Variants in MAGOHB observed in about 807,000 individuals in gnomAD.
MAGOHB encodes protein mago nashi homolog 2.
A neutral mutation model predicts 20.9 loss-of-function variants in MAGOHB; 15 were observed. The ratio of observed to expected loss-of-function variants is 0.72; its 90% CI spans 0.48 to 1.11. MAGOHB has a LOEUF of 1.11. MAGOHB is among the 50% of genes least tolerant of loss of function. MAGOHB has a pLI of 0.00. For missense variants in MAGOHB, 162 were observed against 177.6 expected (o/e 0.91, Z 0.50); for synonymous variants, 50 against 57.9 (o/e 0.86, Z 0.62).
At chr12:10,608,032 T>G (rs1487781586) in intron 3 of MAGOHB, 96 bp from the exon 4 acceptor site, 2 of 675,908 alleles carry the variant, frequency 3.0e-6, no homozygotes, top group Non-Finnish European at 4.9e-6. Flanking sequence ...TAGTTGCAAG[T>G]TTTCTAGCAG....
At chr12:10,602,778 G>T (rs368548535), downstream of MAGOHB, among the ~76,000 whole-genome samples, 1 of 151,958 alleles carries the variant, frequency 6.6e-6, no homozygotes, top group Non-Finnish European at 1.5e-5. Flanking sequence ...TGACCATACC[G>T]TTAGCTAGAA....
intron 4 of MAGOHB, among the ~76,000 whole-genome samples, chr12:10,606,592 T>A (rs970070210): frequency 3.9e-5 from 6 of 152,086 alleles, no homozygotes; most frequent in East Asian, 1.9e-4. Flanking sequence ...ATTTAAAGAG[T>A]TCATATCCTT....
chr12:10,607,993 G>GT (rs928856933), intron 3 of MAGOHB, 57 bp from the exon 4 acceptor site: 1 of 1,066,906 alleles, frequency 9.4e-7, no homozygotes, highest in African/African-American at 1.6e-5. Flanking sequence ...AGAGGTATCT[G>GT]TATTCTTGCT....
downstream of MAGOHB, among the ~76,000 whole-genome samples, chr12:10,602,103 C>T (rs145055014): frequency 6.8e-3 from 1,042 of 152,316 alleles, 6 homozygotes; most frequent in Non-Finnish European, 0.011. Flanking sequence ...TGATTTACAT[C>T]CACATAGCTG....
rs1240979561 is a variant in MAGOHB at position 10,606,174 on chromosome 12, T to A, written c.*101A>T. 1.6e-6 allele frequency: 1 copy of A among 611,726 alleles called. No homozygotes were observed. Among genetic ancestry groups the A allele is most frequent in the African/African-American group, 1.9e-5 (1 of 51,640 alleles). 37.9% of individuals were successfully genotyped at this position (611,726 alleles called of 1,614,324 possible). ...TTATTTTCAGTTTACATACAAATTT[T>A]TTTTGTTTGCTTCACATTCATAAAA... On this transcript the variant is annotated 3_prime_UTR_variant, in exon 5 of 5. Transcript: ENST00000320756.
intron 4 of MAGOHB, 41 bp downstream of exon 4, chr12:10,607,813 G>C: frequency 8.9e-7 from 1 of 1,120,980 alleles, no homozygotes; most frequent in Non-Finnish European, 1.3e-6. Context: ...ATGAGCCTCT[G>C]TAATAATGAA....
rs1179307488 is a variant in MAGOHB at position 10,605,420 on chromosome 12, G to A, written c.*855C>T. ...ACTTTTTAAGAGTGGGGCTTCAGATGGAAGAATAAAAGGAAACAAGGAACA... is the reference window on the plus strand; with the variant it reads ...ACTTTTTAAGAGTGGGGCTTCAGATAGAAGAATAAAAGGAAACAAGGAACA... On this transcript the variant is annotated 3_prime_UTR_variant, in exon 5 of 5. Transcript: ENST00000320756. 3 of 152,006 alleles carry A rather than the reference G, an allele frequency of 2.0e-5. No homozygotes were observed. The allele number at this position is 152,006 out of a possible 1,614,324, so 9.4% of individuals were successfully genotyped here.
downstream of MAGOHB, among the ~76,000 whole-genome samples, chr12:10,601,284 C>A (rs533052672): frequency 1.1e-3 from 53 of 50,276 alleles, 1 homozygote; most frequent in East Asian, 0.12. Flanking sequence ...CCAACATTGA[C>A]AAGTATTTTC....
rs1302767084 is a variant in MAGOHB at position 10,605,009 on chromosome 12, T to C, written c.*1266A>G. 1 of 152,204 alleles carries C rather than the reference T, an allele frequency of 6.6e-6. No individual in the cohort carries two copies. Among genetic ancestry groups the C allele is most frequent in the Non-Finnish European group, 1.5e-5 (1 of 68,028 alleles). 9.4% of individuals were successfully genotyped at this position (152,204 alleles called of 1,614,324 possible). ...ACACCAGTTAAGTGAAAAACCAAGATTTATTATAATAGAGATATTACAGTA... is the reference window on the plus strand; with the variant it reads ...ACACCAGTTAAGTGAAAAACCAAGACTTATTATAATAGAGATATTACAGTA... On this transcript the variant is annotated 3_prime_UTR_variant, in exon 5 of 5. Transcript: ENST00000320756.
chr12:10,603,207 C>G (rs898144188), downstream of MAGOHB, among the ~76,000 whole-genome samples: 2 of 151,160 alleles, frequency 1.3e-5, no homozygotes, highest in African/African-American at 4.9e-5. Flanking sequence ...CCAGCTACTC[C>G]GGAGGCTGAG....
intron 1 of MAGOHB, 148 bp from the exon 2 acceptor site, chr12:10,610,828 GTAGA>G (rs1277192806): frequency 3.0e-4 from 16 of 53,254 alleles, no homozygotes; most frequent in Non-Finnish European, 1.0e-4. Flanking sequence ...TGCTAGACAT[GTAGA>G]CAATAAATGT....
chr12:10,610,414 C>T (rs1415094302), intron 2 of MAGOHB, among the ~76,000 whole-genome samples: 1 of 152,062 alleles, frequency 6.6e-6, no homozygotes, highest in South Asian at 2.1e-4. Flanking sequence ...GTGTAGTTCA[C>T]GTCAAGGTTA....
intron 1 of MAGOHB, among the ~76,000 whole-genome samples, chr12:10,611,573 C>T (rs554355455): frequency 6.6e-6 from 1 of 151,266 alleles, no homozygotes; most frequent in African/African-American, 2.4e-5. Flanking sequence ...ATGGAGAAAC[C>T]CCGTCTCTAC....
rs1253717088 is a variant in MAGOHB, at chr12:10,605,555, T to C, written c.*720A>G. On this transcript the variant is annotated 3_prime_UTR_variant, in exon 5 of 5. Transcript: ENST00000320756. Reference sequence around the variant, plus strand: ...AGGAGTTAAAAATATTTATGTACATTCATACATACATATATGTTTGTCTAA... The same window carrying C: ...AGGAGTTAAAAATATTTATGTACATCCATACATACATATATGTTTGTCTAA... 6.6e-6 allele frequency: 1 copy of C among 152,206 alleles called. No homozygotes were observed. Among genetic ancestry groups the C allele is most frequent in the Admixed American group, 6.5e-5 (1 of 15,284 alleles). The allele number at this position is 152,206 out of a possible 1,614,324, so 9.4% of individuals were successfully genotyped here.
intron 4 of MAGOHB, among the ~76,000 whole-genome samples, 166 bp downstream of exon 4, chr12:10,607,688 T>C (rs564884904): frequency 3.7e-4 from 56 of 152,192 alleles, no homozygotes; most frequent in Admixed American, 9.2e-4. Flanking sequence ...TAACTTCTAC[T>C]GAGAGACAAG....
rs1555145670 is a variant in MAGOHB at position 10,606,187 on chromosome 12, C to T, written c.*88G>A. The T allele has an allele frequency of 1.5e-6, 1 of 689,484 alleles. No individual in the cohort carries two copies. The highest frequency in any genetic ancestry group is 2.3e-6 in the Non-Finnish European group (1 of 426,958). 42.7% of individuals were successfully genotyped at this position (689,484 alleles called of 1,614,324 possible). A position where few individuals can be genotyped will look rare whatever the true frequency, so the allele number is the denominator to read the frequency against. ...ACATACAAATTTTTTTTGTTTGCTT[C>T]ACATTCATAAAAACCCCAATACTGT... On this transcript the variant is annotated 3_prime_UTR_variant, in exon 5 of 5. Coordinates refer to ENST00000320756, the MANE Select transcript of MAGOHB (RefSeq NM_018048.5).
intron 1 of MAGOHB, among the ~76,000 whole-genome samples, chr12:10,612,062 A>G (rs1865753229): frequency 6.6e-6 from 1 of 152,002 alleles, no homozygotes; most frequent in South Asian, 2.1e-4. Flanking sequence ...TTTCTAAATA[A>G]TTGCAGGGCT....
At chr12:10,608,058 G>A in intron 3 of MAGOHB, 122 bp from the exon 4 acceptor site, 1 of 585,470 alleles carries the variant, frequency 1.7e-6, no homozygotes, top group Non-Finnish European at 3.0e-6. Flanking sequence ...AGAGGGAGTG[G>A]GGGGCGAGGG....
chr12:10,613,338 C>G (rs924887046), intron 1 of MAGOHB, 101 bp downstream of exon 1: 2 of 995,878 alleles, frequency 2.0e-6, no homozygotes, highest in Admixed American at 1.8e-5. Flanking sequence ...CTATTTCCTT[C>G]GAGGGAAGCA....
Sources: gnomAD v4.1 joint callset for allele counts (sites outside exome capture counted in the v4.1 genomes callset) on GRCh38, gnomAD v4.1.1 for gene constraint, MANE v1.5 for transcripts, NCBI Gene and HGNC (gene_info 2026-07-23, HGNC 2026-07-21) for gene names.